Variants in MFSD6 observed in about 807,000 individuals in gnomAD.
MFSD6 encodes the protein major facilitator superfamily domain-containing protein 6.
MFSD6 carries 26 observed loss-of-function variants against 56.3 expected under a neutral mutation model. That is an observed-to-expected ratio of 0.46 (90% CI 0.34 to 0.64). The LOEUF (loss-of-function observed/expected upper bound fraction) is 0.64. Among genes scored for constraint, MFSD6 ranks in the 30% least tolerant of loss-of-function variants. MFSD6 has a pLI of 0.01. For synonymous variants in MFSD6, 331 were observed against 366.9 expected (o/e 0.90, Z 1.12); for missense variants, 750 against 986.2 (o/e 0.76, Z 3.21).
chr2:190,414,318 C>G (rs1426884917), intron 1 of MFSD6, among the ~76,000 whole-genome samples: 1 of 152,160 alleles, frequency 6.6e-6, no homozygotes, highest in South Asian at 2.1e-4. Flanking sequence ...TGCTCCAATC[C>G]AGCAAAGGCA....
intron 1 of MFSD6, chr2:190,411,165 T>G: frequency 2.1e-6 from 2 of 968,872 alleles, no homozygotes; most frequent in Non-Finnish European, 2.5e-6. Flanking sequence ...ACAGTAGTTT[T>G]TTTTTTTTTT....
chr2:190,414,515 G>A (rs1213785138), intron 1 of MFSD6, among the ~76,000 whole-genome samples: 1 of 152,086 alleles, frequency 6.6e-6, no homozygotes, highest in African/African-American at 2.4e-5. Context: ...TCTGTGTAAT[G>A]AGGCTCCCTG....
At chr2:190,414,725 A>T (rs1690704997) in intron 1 of MFSD6, among the ~76,000 whole-genome samples, 1 of 152,238 alleles carries the variant, frequency 6.6e-6, no homozygotes, top group Non-Finnish European at 1.5e-5. Context: ...TCCTTTTTAA[A>T]TATGTATTTT....
chr2:190,495,041 G>A lies in MFSD6; in HGVS notation c.1892-2398G>A, dbSNP rs1291513956. On this transcript the variant is annotated intron_variant, in intron 6 of 7. Transcript: ENST00000392328. The surrounding 1 kb of genome is among the most constrained non-coding windows in gnomAD (Gnocchi z 4.7). ...AAGGAAATAAAGGGCATCCAAATAG[G>A]TAAAGAGGAAGTCAAACTGTCGCTG... Among the ~76,000 whole-genome samples, 1 of 152,154 alleles carries A rather than the reference G, an allele frequency of 6.6e-6. No homozygotes were observed. Among genetic ancestry groups the A allele is most frequent in the Non-Finnish European group, 1.5e-5 (1 of 68,028 alleles).
chr2:190,428,607 A>G (rs1013058151), intron 2 of MFSD6, among the ~76,000 whole-genome samples: 4 of 152,200 alleles, frequency 2.6e-5, no homozygotes, highest in Non-Finnish European at 5.9e-5. Flanking sequence ...TACAATGTGC[A>G]TCTCCTTTGA....
rs2125281024 is a variant in MFSD6, at chr2:190,499,851, T to C, written c.2173-164T>C. 6.5e-7 allele frequency: 1 copy of C among 1,547,742 alleles called. No individual in the cohort carries two copies. The highest frequency in any genetic ancestry group is 1.4e-5 in the African/African-American group (1 of 73,162). On this transcript the variant is annotated intron_variant, in intron 7 of 7. Transcript: ENST00000392328. This position sits in a 1 kb window ranked among gnomAD's most constrained non-coding sequence, Gnocchi z 6.0. ...TGGCAGTTGCACATAGGAAAGGAGA[T>C]GAAAGGTAAGACATTCTATCCTTAT... is the stretch of plus-strand genomic sequence containing the variant.
intron 4 of MFSD6, among the ~76,000 whole-genome samples, chr2:190,470,981 A>T (rs1559129940): frequency 6.6e-6 from 1 of 152,180 alleles, no homozygotes; most frequent in Non-Finnish European, 1.5e-5. Flanking sequence ...TTCTGTTTAC[A>T]AATATATAGA....
chr2:190,498,630 T>C lies in MFSD6; in HGVS notation c.2172+911T>C, dbSNP rs1486541522. 6.6e-6 allele frequency among the ~76,000 whole-genome samples: 1 copy of C among 152,170 alleles called. No homozygotes were observed. Among genetic ancestry groups the C allele is most frequent in the African/African-American group, 2.4e-5 (1 of 41,446 alleles). ...TTATTAATTTATCAAGATAATAAAC[T>C]CACATCATTACTCTGCTCAGTCAAG... On this transcript the variant is annotated intron_variant, in intron 7 of 7. Coordinates refer to ENST00000392328, the MANE Select transcript of MFSD6 (RefSeq NM_017694.4). The surrounding 1 kb of genome is among the most constrained non-coding windows in gnomAD (Gnocchi z 5.9).
chr2:190,476,619 A>G (rs992660785), intron 4 of MFSD6, among the ~76,000 whole-genome samples: 1 of 152,112 alleles, frequency 6.6e-6, no homozygotes, highest in African/African-American at 2.4e-5. Flanking sequence ...CTGTAAACTA[A>G]TTCAACCATT....
In MFSD6 at chr2:190,437,181, C is replaced by G; in HGVS notation, c.1152C>G (p.Ile384Met). 6.2e-7 allele frequency: 1 copy of G among 1,614,216 alleles called. No homozygotes were observed. The highest frequency in any genetic ancestry group is 1.6e-4 in the Middle Eastern group (1 of 6,062). Residue 384 changes from isoleucine to methionine, a missense_variant, in exon 3 of 8, where the codon ATC becomes ATG. Ile to Met is a conservative substitution (Grantham distance 10). Transcript: ENST00000392328. This position sits in a 1 kb window ranked among gnomAD's most constrained non-coding sequence, Gnocchi z 5.9. ...GCGTTCTCATGACCATGGCCTTGAT[C>G]GTTGCCACTCAGTTCCGGTTCCGCT... is the stretch of plus-strand genomic sequence containing the variant. The part of the protein sequence containing the change: ...VFGVLMTMAL[I>M]VATQFRFRYN...
chr2:190,464,878 A>G, intron 3 of MFSD6: 1 of 464,448 alleles, frequency 2.2e-6, no homozygotes, highest in Non-Finnish European at 2.6e-6. Context: ...AGCAAAATTT[A>G]TGTTCACTGT....
At chr2:190,452,501 G>C (rs1206305185) in intron 3 of MFSD6, among the ~76,000 whole-genome samples, 1 of 152,142 alleles carries the variant, frequency 6.6e-6, no homozygotes, top group Admixed American at 6.5e-5. Context: ...GAGTGATTAA[G>C]TTTCCCATGA....
In MFSD6 at chr2:190,417,965, G is replaced by GGTGCGTGT. The variant is rs1690850175; in HGVS notation, c.-54+2555_-54+2556insCGTGTGTG. ...CTGACTTTTCATTTAACCCTTTAGT[G>GGTGCGTGT]GTGTGTGTGTGTGTGTGTGTGTGTG... On this transcript the variant is annotated intron_variant, in intron 2 of 7. Transcript: ENST00000392328. This position sits in a 1 kb window ranked among gnomAD's most constrained non-coding sequence, Gnocchi z 5.7. Among the ~76,000 whole-genome samples, 1 of 144,612 alleles carries GGTGCGTGT rather than the reference G, an allele frequency of 6.9e-6. No homozygotes were observed. Among genetic ancestry groups the GGTGCGTGT allele is most frequent in the African/African-American group, 2.6e-5 (1 of 38,504 alleles). The allele number at this position is 144,612 out of a possible 152,430, so 94.9% of individuals were successfully genotyped here.
At chr2:190,408,315 C>A, upstream of MFSD6, 2 of 93,968 alleles carry the variant, frequency 2.1e-5, no homozygotes, top group South Asian at 8.5e-4. Context: ...CCCACCCGGT[C>A]CGCATCCCTC....
At chr2:190,411,344 G>T in intron 1 of MFSD6, 1 of 456,848 alleles carries the variant, frequency 2.2e-6, no homozygotes, top group Non-Finnish European at 2.9e-6. Flanking sequence ...TTTTTTAGTA[G>T]AGACGGGGTT....
rs1416379597 is a variant in MFSD6, at chr2:190,458,658, A to T, written c.1533-11100A>T. On this transcript the variant is annotated intron_variant, in intron 3 of 7. Transcript: ENST00000392328. The surrounding 1 kb of genome is among the most constrained non-coding windows in gnomAD (Gnocchi z 5.3). ...GCTTGACCGTTTCTAGAGATATGGA[A>T]CTTGCTGTCTCCAAAGGCAGTGGAG... Among the ~76,000 whole-genome samples, 2 of 152,268 alleles carry T rather than the reference A, an allele frequency of 1.3e-5. No homozygotes were observed. The highest frequency in any genetic ancestry group is 3.9e-4 in the East Asian group (2 of 5,180).
chr2:190,421,409 C>T (rs1458881652), intron 2 of MFSD6, among the ~76,000 whole-genome samples: 4 of 152,170 alleles, frequency 2.6e-5, no homozygotes, highest in Admixed American at 6.5e-5. Context: ...ACAAAATCCA[C>T]ATGACTCCAT....
intron 4 of MFSD6, among the ~76,000 whole-genome samples, chr2:190,476,998 G>T (rs1011053436): frequency 2.2e-5 from 3 of 136,512 alleles, no homozygotes; most frequent in African/African-American, 8.3e-5. Context: ...GGTGGGAATT[G>T]AACAATGTGA....
Position 190,413,140 on chromosome 2 carries a change from A to G in MFSD6, c.-175-2152A>G, listed in dbSNP as rs1354117183. ...AAAACTACATCCCAATGTTGTATGTATTCAAAGTAGCCTCTCCCTGCCTTG... is the reference window on the plus strand; with the variant it reads ...AAAACTACATCCCAATGTTGTATGTGTTCAAAGTAGCCTCTCCCTGCCTTG... On this transcript the variant is annotated intron_variant, in intron 1 of 7. Transcript: ENST00000392328. This position sits in a 1 kb window ranked among gnomAD's most constrained non-coding sequence, Gnocchi z 4.1. Among the ~76,000 whole-genome samples the G allele has an allele frequency of 1.3e-5, 2 of 152,196 alleles. No individual in the cohort carries two copies. Among genetic ancestry groups the G allele is most frequent in the African/African-American group, 4.8e-5 (2 of 41,444 alleles).
Sources: gnomAD v4.1 joint callset for allele counts (sites outside exome capture counted in the v4.1 genomes callset) on GRCh38, gnomAD v4.1.1 for gene constraint, Gnocchi (gnomAD v3.1) non-coding constraint, MANE v1.5 for transcripts, NCBI Gene and HGNC (gene_info 2026-07-23, HGNC 2026-07-21) for gene names.